Variants in GRID2IP observed in about 807,000 individuals in gnomAD.
GRID2IP encodes the protein Grid2 interacting protein, also known as delphilin.
GRID2IP carries 78 observed loss-of-function variants against 114.3 expected under a neutral mutation model. The observed-to-expected ratio is 0.68, with a 90% confidence interval of 0.57 to 0.82. GRID2IP has a LOEUF of 0.82. Among genes scored for constraint, GRID2IP ranks in the 40% least tolerant of loss-of-function variants. GRID2IP has a pLI of 0.00. For synonymous variants in GRID2IP, 809 were observed against 724.0 expected (o/e 1.12, Z -1.89); for missense variants, 1,727 against 1,678.5 (o/e 1.03, Z -0.51).
Position 6,505,848 on chromosome 7 carries a change from C to A in GRID2IP, c.2604G>T (p.Glu868Asp), listed in dbSNP as rs1462162643. 6.4e-7 allele frequency: 1 copy of A among 1,551,984 alleles called. No homozygotes were observed. The highest frequency in any genetic ancestry group is 2.0e-5 in the Admixed American group (1 of 50,986). Residue 868 changes from glutamate (E) to aspartate (D), a missense_variant, in exon 14 of 22, where the codon GAG (glutamate) becomes GAT (aspartate). Physicochemically the swap from Glu to Asp is conservative, Grantham distance 45. Coordinates refer to ENST00000457091, the MANE Select transcript of GRID2IP (RefSeq NM_001145118.2). ...LSDMVKYLDLELHFGTQKPAK... is the reference protein window; with the variant it reads ...LSDMVKYLDLDLHFGTQKPAK... ...CAGGTTTCTGGGTGCCGAAGTGGAG[C>A]TCCAGGTCGAGGTATTTCACCATGT...
In GRID2IP at chr7:6,526,121, G is replaced by C; in HGVS notation, c.919+103C>G. 1.2e-6 allele frequency: 1 copy of C among 863,220 alleles called. No homozygotes were observed. Among genetic ancestry groups the C allele is most frequent in the South Asian group, 1.4e-5 (1 of 69,888 alleles). 53.5% of individuals were successfully genotyped at this position (863,220 alleles called of 1,614,324 possible). A position where few individuals can be genotyped will look rare whatever the true frequency, so the allele number is the denominator to read the frequency against. The stretch of plus-strand genomic sequence containing the variant: ...GTACCTGACGTGGAGGGGTTGCTGA[G>C]CAGGAGCCTACATGGGGTACAATGA... On this transcript the variant is annotated intron_variant, in intron 4 of 21. Coordinates refer to ENST00000457091, the MANE Select transcript of GRID2IP (RefSeq NM_001145118.2). This position sits in a 1 kb window ranked among gnomAD's most constrained non-coding sequence, Gnocchi z 7.6.
rs1023294403 is a variant in GRID2IP at position 6,501,883 on chromosome 7, C to A, written c.3297G>T (p.Leu1099=). ...CATGGAGGTCAGCCAGGTCACTGGT[C>A]AGGGCCCGTTGGTTCACTGTAGGGA... The part of the protein sequence containing the change: ...PLAAKVNQRA[L]TSDLADLHGT... The change falls in exon 20 of 22, where the codon CTG becomes CTT. Residue 1099 remains leucine (L), a synonymous_variant. Transcript: ENST00000457091. The A allele has an allele frequency of 3.2e-6, 5 of 1,551,434 alleles. No homozygotes were observed. The African/African-American group carries it at 5.5e-5, about 17-fold the overall frequency.
chr7:6,503,715 G>A, intron 15 of GRID2IP, 28 bp from the exon 16 acceptor site: 1 of 1,440,678 alleles, frequency 6.9e-7, no homozygotes, highest in African/African-American at 1.5e-5. Flanking sequence ...CGGTGAGCTG[G>A]GCGGGGCCGG....
chr7:6,510,860 TG>T (rs113416260), intron 9 of GRID2IP, 47 bp downstream of exon 9: 8 of 1,533,542 alleles, frequency 5.2e-6, no homozygotes, highest in South Asian at 1.2e-5. Context: ...ATTTTGCAGG[TG>T]GGAAAACTGA....
chr7:6,550,085 G>T (rs1338191868), intron 1 of GRID2IP, among the ~76,000 whole-genome samples: 1 of 152,070 alleles, frequency 6.6e-6, no homozygotes, highest in East Asian at 1.9e-4. Flanking sequence ...CAAACTCCCA[G>T]GCTGAAGCGA....
chr7:6,524,911 G>T (rs1309200334), intron 4 of GRID2IP, among the ~76,000 whole-genome samples: 10 of 151,628 alleles, frequency 6.6e-5, no homozygotes, highest in African/African-American at 2.4e-4. Context: ...AGTAGAGACG[G>T]GTTTCACCAT....
intron 1 of GRID2IP, among the ~76,000 whole-genome samples, chr7:6,547,525 G>A (rs1779905541): frequency 6.6e-6 from 1 of 152,120 alleles, no homozygotes; most frequent in South Asian, 2.1e-4. Context: ...TCCAATCTGG[G>A]CAACAGAGCT....
chr7:6,508,513 C>CG lies in GRID2IP; in HGVS notation c.2128-113dup. 1 of 1,496,820 alleles carries CG rather than the reference C, an allele frequency of 6.7e-7. No homozygotes were observed. The highest frequency in any genetic ancestry group is 1.3e-5 in the South Asian group (1 of 76,200). The allele number at this position is 1,496,820 out of a possible 1,614,324, so 92.7% of individuals were successfully genotyped here. ...CTGGGACAAGGACAGGGCCATCTCA[C>CG]GGGTTAGCCTCAGGCTGTGAGGGAC... On this transcript the variant is annotated intron_variant, in intron 12 of 21. Transcript: ENST00000457091. The surrounding 1 kb of genome is among the most constrained non-coding windows in gnomAD (Gnocchi z 5.6).
chr7:6,521,376 C>T lies in GRID2IP; in HGVS notation c.1084+53G>A, dbSNP rs965855544. The T allele has an allele frequency of 5.3e-6, 7 of 1,311,338 alleles. No individual in the cohort carries two copies. Among genetic ancestry groups the T allele is most frequent in the Admixed American group, 2.3e-5 (1 of 43,094 alleles). The allele number at this position is 1,311,338 out of a possible 1,614,324, so 81.2% of individuals were successfully genotyped here. On this transcript the variant is annotated intron_variant, in intron 6 of 21. Coordinates refer to ENST00000457091, the MANE Select transcript of GRID2IP (RefSeq NM_001145118.2). The surrounding 1 kb of genome is among the most constrained non-coding windows in gnomAD (Gnocchi z 4.1). The stretch of plus-strand genomic sequence containing the variant: ...GCACTGTGACTCTCACATATAGCAG[C>T]CTGGGCAGGGTCTCTGGGGGCCAAG...
intron 4 of GRID2IP, among the ~76,000 whole-genome samples, chr7:6,522,805 A>ATGTGTGTGTGTGTGTGTGTGTGTG (rs776645557): frequency 3.5e-5 from 2 of 57,044 alleles, no homozygotes; most frequent in African/African-American, 1.1e-4. Context: ...TGCCTGGCTA[A>ATGTGTGTGTGTGTGTGTGTGTGTG]TATGTGTGTG....
At position 6,551,397 on chromosome 7, in the gene GRID2IP, G is replaced by T. The variant is rs1474712658; in HGVS notation, c.40C>A (p.Pro14Thr). The T allele has an allele frequency of 6.5e-6, 10 of 1,547,586 alleles. No individual in the cohort carries two copies. Among genetic ancestry groups the T allele is most frequent in the Non-Finnish European group, 8.7e-6 (10 of 1,145,622 alleles). ...TATPATNQGW[P>T]EDFGFRLGGS... ...CCTAGCCGGAAGCCAAAGTCCTCTGGCCAGCCCTGGTTCGTGGCCGGCGTG... is the reference window on the plus strand; with the variant it reads ...CCTAGCCGGAAGCCAAAGTCCTCTGTCCAGCCCTGGTTCGTGGCCGGCGTG... The change falls in exon 1 of 22, where the codon CCA becomes ACA. Residue 14 changes from proline (P) to threonine (T), a missense_variant. Pro to Thr is a conservative substitution (Grantham distance 38). Coordinates refer to ENST00000457091, the MANE Select transcript of GRID2IP (RefSeq NM_001145118.2).
Position 6,536,788 on chromosome 7 carries a change from C to T in GRID2IP, c.584+2930G>A. On this transcript the variant is annotated intron_variant, in intron 2 of 21. Transcript: ENST00000457091. This position sits in a 1 kb window ranked among gnomAD's most constrained non-coding sequence, Gnocchi z 5.3. The stretch of plus-strand genomic sequence containing the variant: ...TAGAAATAACTTTTTTCCTTTTTTC[C>T]CCTCTTCTGATTCTCCTAGCAAGGG... The T allele has an allele frequency of 7.1e-6, 5 of 702,458 alleles. No homozygotes were observed. Among genetic ancestry groups the T allele is most frequent in the Non-Finnish European group, 1.0e-5 (4 of 384,638 alleles). 43.5% of individuals were successfully genotyped at this position (702,458 alleles called of 1,614,324 possible).
In GRID2IP at chr7:6,521,411, T is replaced by G; in HGVS notation, c.1084+18A>C. 1 of 1,509,776 alleles carries G rather than the reference T, an allele frequency of 6.6e-7. No individual in the cohort carries two copies. Among genetic ancestry groups the G allele is most frequent in the Non-Finnish European group, 8.9e-7 (1 of 1,121,224 alleles). The allele number at this position is 1,509,776 out of a possible 1,614,324, so 93.5% of individuals were successfully genotyped here. A position where few individuals can be genotyped will look rare whatever the true frequency, so the allele number is the denominator to read the frequency against. ...GTCTCTGGGGGCCAAGGAAGCCAAG[T>G]GTCCATGGGGGTCTCACCACTGGCA... On this transcript the variant is annotated intron_variant, in intron 6 of 21. Transcript: ENST00000457091. The surrounding 1 kb of genome is among the most constrained non-coding windows in gnomAD (Gnocchi z 4.1).
At chr7:6,539,401 A>T (rs1366892190) in intron 2 of GRID2IP, among the ~76,000 whole-genome samples, 4 of 152,130 alleles carry the variant, frequency 2.6e-5, no homozygotes, top group South Asian at 2.1e-4. Flanking sequence ...CACGTGGATT[A>T]CAGGCAGCAG....
chr7:6,531,103 C>A, intron 2 of GRID2IP: 1 of 548,540 alleles, frequency 1.8e-6, no homozygotes, highest in South Asian at 2.2e-5. Flanking sequence ...CCTTCCCCAT[C>A]TGGAGCCGGG....
At chr7:6,510,262 T>C (rs1162500103) in intron 11 of GRID2IP, 21 bp downstream of exon 11, 10 of 1,470,386 alleles carry the variant, frequency 6.8e-6, no homozygotes, top group East Asian at 5.0e-5. Flanking sequence ...AGACAGTAGA[T>C]GACAGAGGCT....
At position 6,523,469 on chromosome 7, in the gene GRID2IP, C is replaced by A. The variant is rs969922856; in HGVS notation, c.920-1512G>T. On this transcript the variant is annotated intron_variant, in intron 4 of 21. Transcript: ENST00000457091. This position sits in a 1 kb window ranked among gnomAD's most constrained non-coding sequence, Gnocchi z 4.5. The stretch of plus-strand genomic sequence containing the variant: ...CCTCTCCAGGCCTCAGTTTCCCCAT[C>A]TGTAAAAGCTTCCATCTAAGCATCC... 6.6e-6 allele frequency among the ~76,000 whole-genome samples: 1 copy of A among 152,148 alleles called. No homozygotes were observed. Among genetic ancestry groups the A allele is most frequent in the African/African-American group, 2.4e-5 (1 of 41,434 alleles).
chr7:6,551,193 G>C lies in GRID2IP; in HGVS notation c.244C>G (p.Leu82Val). 4 of 1,416,416 alleles carry C rather than the reference G, an allele frequency of 2.8e-6. No homozygotes were observed. The highest frequency in any genetic ancestry group is 3.7e-6 in the Non-Finnish European group (4 of 1,094,868). The allele number at this position is 1,416,416 out of a possible 1,614,324, so 87.7% of individuals were successfully genotyped here. ...CPRVPPSLGVLPAPDGGPGPG... is the reference protein window; with the variant it reads ...CPRVPPSLGVVPAPDGGPGPG... ...CCGGGGCCACCGTCGGGAGCCGGGAGCACGCCCAGACTGGGCGGCACACGT... is the reference window on the plus strand; with the variant it reads ...CCGGGGCCACCGTCGGGAGCCGGGACCACGCCCAGACTGGGCGGCACACGT... Residue 82 changes from leucine (L) to valine (V), a missense_variant, in exon 1 of 22, where the codon CTC becomes GTC. Coordinates refer to ENST00000457091, the MANE Select transcript of GRID2IP (RefSeq NM_001145118.2).
chr7:6,501,483 C>T (rs1300426469), intron 20 of GRID2IP, among the ~76,000 whole-genome samples: 3 of 152,252 alleles, frequency 2.0e-5, no homozygotes, highest in Non-Finnish European at 4.4e-5. Context: ...AGGCAGATCA[C>T]TCGAGCCCAG....
Sources: allele counts gnomAD v4.1 joint callset (sites outside exome capture counted in the v4.1 genomes callset), GRCh38; gene constraint gnomAD v4.1.1; non-coding constraint Gnocchi (gnomAD v3.1); transcripts MANE v1.5; gene names NCBI Gene and HGNC (gene_info 2026-07-23, HGNC 2026-07-21).